Variants in MIA3 observed in about 807,000 individuals in gnomAD.
MIA3 encodes transport and Golgi organization protein 1 homolog.
MIA3 carries 90 observed loss-of-function variants against 192.4 expected under a neutral mutation model. That is an observed-to-expected ratio of 0.47 (90% CI 0.39 to 0.56). MIA3 has a LOEUF of 0.56. MIA3 is among the 20% of genes least tolerant of loss of function. The probability of loss-of-function intolerance (pLI) is 0.00; values close to 1 mark genes in which losing one functional copy is unlikely to be tolerated. For missense variants in MIA3, 2,123 were observed against 2,269.4 expected (o/e 0.94, Z 1.31); for synonymous variants, 740 against 792.8 (o/e 0.93, Z 1.12).
intron 1 of MIA3, 56 bp from the exon 2 acceptor site, chr1:222,621,103 C>G: frequency 1.4e-6 from 2 of 1,454,598 alleles, no homozygotes; most frequent in South Asian, 1.3e-5. Context: ...TCAATATGCA[C>G]TGTGAACACT....
At chr1:222,664,495 T>C (rs565448407) in intron 27 of MIA3, among the ~76,000 whole-genome samples, 1 of 152,268 alleles carries the variant, frequency 6.6e-6, no homozygotes, top group East Asian at 1.9e-4. Context: ...GTCACAAATA[T>C]ACACATTCTA....
intron 11 of MIA3, among the ~76,000 whole-genome samples, chr1:222,651,721 G>C (rs569862279): frequency 6.6e-6 from 1 of 151,250 alleles, no homozygotes; most frequent in Non-Finnish European, 1.5e-5. Flanking sequence ...TCACCTTTTA[G>C]TCTGGTCATC....
At chr1:222,635,851 C>T (rs1229697306) in intron 6 of MIA3, among the ~76,000 whole-genome samples, 1 of 152,116 alleles carries the variant, frequency 6.6e-6, no homozygotes, top group Non-Finnish European at 1.5e-5. Context: ...TGTGCGTCAC[C>T]GGTTCCTAGT....
At chr1:222,645,881 G>T in intron 7 of MIA3, 196 bp downstream of exon 7, 1 of 448,356 alleles carries the variant, frequency 2.2e-6, no homozygotes, top group South Asian at 2.8e-5. Context: ...TAATCTCAGT[G>T]GGAAAACTTC....
chr1:222,650,691 G>T lies in MIA3; in HGVS notation c.3778G>T (p.Asp1260Tyr). The part of the protein sequence containing the change: ...ETRKQNMILS[D>Y]EAIKYKDKIK... ...CAGGAAACAAAATATGATTCTCTCT[G>T]ATGAAGCAATTAAATATAAGGTAAA... The change falls in exon 10 of 28, where the codon GAT becomes TAT. Residue 1260 changes from aspartate (D) to tyrosine (Y), a missense_variant. Transcript: ENST00000344922. 6.3e-7 allele frequency: 1 copy of T among 1,597,702 alleles called. No homozygotes were observed. Among genetic ancestry groups the T allele is most frequent in the Non-Finnish European group, 8.5e-7 (1 of 1,170,972 alleles).
At position 222,633,125 on chromosome 1, in the gene MIA3, C is replaced by G. The variant is rs1408558689; in HGVS notation, c.3353C>G (p.Thr1118Ser). ...CCAGGGCCAGTTACAACAGAAGACA[C>G]TCCTATGGATGCTATTGATGCAAAC... ...LDPGPVTTEDTPMDAIDANKQ... is the reference protein window; with the variant it reads ...LDPGPVTTEDSPMDAIDANKQ... Residue 1118 changes from threonine to serine, a missense_variant, in exon 6 of 28, where the codon ACT becomes AGT. By Grantham distance (58) the Thr-to-Ser change is moderately conservative. Around this residue, in one of 3 missense-constraint regions of MIA3, gnomAD observed 1,357 missense variants for 1,396.1 expected, o/e 0.97. Coordinates refer to ENST00000344922, the MANE Select transcript of MIA3 (RefSeq NM_198551.4). 1 of 1,609,780 alleles carries G rather than the reference C, an allele frequency of 6.2e-7. No individual in the cohort carries two copies. Among genetic ancestry groups the G allele is most frequent in the African/African-American group, 1.3e-5 (1 of 74,756 alleles).
In MIA3 at chr1:222,665,383, C is replaced by T. The variant is rs1388698009; in HGVS notation, c.5488C>T (p.Leu1830Phe). The part of the protein sequence containing the change: ...GVPPGRRDLP[L>F]HPRGFLPGHA... ...TCCACCAGGAAGACGGGACCTGCCTCTCCACCCTCGGGGATTTTTACCTGG... is the reference window on the plus strand; with the variant it reads ...TCCACCAGGAAGACGGGACCTGCCTTTCCACCCTCGGGGATTTTTACCTGG... Residue 1830 changes from leucine (L) to phenylalanine (F), a missense_variant, in exon 28 of 28, where the codon CTC (leucine) becomes TTC (phenylalanine). Physicochemically the swap from Leu to Phe is conservative, Grantham distance 22. Around this residue, in one of 3 missense-constraint regions of MIA3, gnomAD observed 762 missense variants for 856.4 expected, o/e 0.89. Coordinates refer to ENST00000344922, the MANE Select transcript of MIA3 (RefSeq NM_198551.4). 1 of 1,614,042 alleles carries T rather than the reference C, an allele frequency of 6.2e-7. No individual in the cohort carries two copies. Among genetic ancestry groups the T allele is most frequent in the South Asian group, 1.1e-5 (1 of 91,074 alleles).
In MIA3 at chr1:222,632,243, C is replaced by A; in HGVS notation, c.3248C>A (p.Thr1083Asn). The A allele has an allele frequency of 6.2e-7, 1 of 1,614,132 alleles. No individual in the cohort carries two copies. Among genetic ancestry groups the A allele is most frequent in the Non-Finnish European group, 8.5e-7 (1 of 1,179,982 alleles). Residue 1083 changes from threonine to asparagine, a missense_variant, in exon 5 of 28, where the codon ACC (threonine) becomes AAC (asparagine). Transcript: ENST00000344922. The part of the protein sequence containing the change: ...ELNVQVPEEP[T>N]HLDQRVIGDT... ...AATGTGCAGGTTCCTGAAGAACCCA[C>A]CCACTTGGACCAACGTGTGATTGGG...
chr1:222,652,176 T>C, intron 12 of MIA3, 52 bp from the exon 13 acceptor site: 1 of 1,510,238 alleles, frequency 6.6e-7, no homozygotes, highest in East Asian at 2.3e-5. Context: ...GAAAAGTAAC[T>C]TTTTCTGGTT....
In MIA3 at chr1:222,667,260, T is replaced by C. The variant is rs1664330645; in HGVS notation, c.*1641T>C. 6.6e-6 allele frequency: 1 copy of C among 152,188 alleles called. No individual in the cohort carries two copies. The highest frequency in any genetic ancestry group is 2.4e-5 in the African/African-American group (1 of 41,454). The allele number at this position is 152,188 out of a possible 1,614,324, so 9.4% of individuals were successfully genotyped here. A position where few individuals can be genotyped will look rare whatever the true frequency, so the allele number is the denominator to read the frequency against. On this transcript the variant is annotated 3_prime_UTR_variant, in exon 28 of 28. Coordinates refer to ENST00000344922, the MANE Select transcript of MIA3 (RefSeq NM_198551.4). ...TCAATCTATATGTCCTCCCGTTTAA[T>C]ATCAAGAATAGAAGAAATTAAGAGG...
At chr1:222,635,928 A>G (rs529497681) in intron 6 of MIA3, among the ~76,000 whole-genome samples, 1 of 152,270 alleles carries the variant, frequency 6.6e-6, no homozygotes, top group East Asian at 1.9e-4. Flanking sequence ...ACTGACTCCA[A>G]ATTTTCCTCC....
At chr1:222,644,221 T>G in intron 6 of MIA3, 4 of 1,144,444 alleles carry the variant, frequency 3.5e-6, no homozygotes, top group Non-Finnish European at 3.4e-6. Context: ...GTCCCCTCGA[T>G]AGTTGGTTCC....
rs569914292 is a variant in MIA3 at position 222,641,104 on chromosome 1, C to A, written c.3478-4450C>A. ...ATGTGGAGGAAATGGAAGTATCATACACTGCTGATGGGGATGTGAAGTGGT... is the reference window on the plus strand; with the variant it reads ...ATGTGGAGGAAATGGAAGTATCATAAACTGCTGATGGGGATGTGAAGTGGT... On this transcript the variant is annotated intron_variant, in intron 6 of 27. Coordinates refer to ENST00000344922, the MANE Select transcript of MIA3 (RefSeq NM_198551.4). Among the ~76,000 whole-genome samples, 7 of 152,288 alleles carry A rather than the reference C, an allele frequency of 4.6e-5. No homozygotes were observed. In the South Asian group the frequency reaches 1.5e-3, roughly 32 times the overall value.
intron 6 of MIA3, among the ~76,000 whole-genome samples, chr1:222,644,016 G>A (rs1662990876): frequency 1.3e-5 from 2 of 152,192 alleles, no homozygotes; most frequent in African/African-American, 4.8e-5. Context: ...GACAGGAAGG[G>A]CCAGCTCCGG....
chr1:222,664,374 T>G (rs573918944), intron 27 of MIA3, among the ~76,000 whole-genome samples: 1 of 152,204 alleles, frequency 6.6e-6, no homozygotes, highest in South Asian at 2.1e-4. Flanking sequence ...AAGGGGCTAT[T>G]TATAAAAAGC....
intron 18 of MIA3, among the ~76,000 whole-genome samples, chr1:222,658,419 T>C (rs1168552474): frequency 6.6e-6 from 1 of 152,216 alleles, no homozygotes; most frequent in Non-Finnish European, 1.5e-5. Flanking sequence ...CAGTCCTGGC[T>C]TTCTACATTG....
At chr1:222,639,501 C>T (rs561425053) in intron 6 of MIA3, among the ~76,000 whole-genome samples, 1 of 152,090 alleles carries the variant, frequency 6.6e-6, no homozygotes, top group Admixed American at 6.5e-5. Context: ...AAAATTTTAG[C>T]AAATCAAATC....
chr1:222,653,403 A>G (rs1417951660), intron 15 of MIA3, 64 bp downstream of exon 15: 4 of 994,068 alleles, frequency 4.0e-6, no homozygotes, highest in Non-Finnish European at 4.7e-6. Flanking sequence ...CACCAGTGCT[A>G]CTTTTCAGCT....
chr1:222,644,210 C>A, intron 6 of MIA3: 1 of 1,051,964 alleles, frequency 9.5e-7, no homozygotes, highest in Non-Finnish European at 1.3e-6. Flanking sequence ...TCTTCTCTCC[C>A]GTCCCCTCGA....
Sources: allele counts gnomAD v4.1 joint callset (sites outside exome capture counted in the v4.1 genomes callset), GRCh38; gene constraint gnomAD v4.1.1; regional missense constraint gnomAD v4.1.1; transcripts MANE v1.5; gene names NCBI Gene and HGNC (gene_info 2026-07-23, HGNC 2026-07-21).